GGH: variants seen among roughly 807,000 people sequenced by gnomAD.
The protein encoded by GGH is gamma-glutamyl hydrolase, also known as gamma-Glu-X carboxypeptidase.
In GGH, 18 loss-of-function variants were observed where a neutral mutation model predicts 39.2. The observed-to-expected ratio is 0.46, with a 90% CI of 0.32 to 0.68. The LOEUF (loss-of-function observed/expected upper bound fraction) is 0.68. Ranked by LOEUF, GGH falls within the 30% of genes least tolerant of loss-of-function variation. GGH has a pLI of 0.04. For synonymous variants in GGH, 147 were observed against 138.8 expected (o/e 1.06, Z -0.42); for missense variants, 367 against 384.1 (o/e 0.96, Z 0.37).
At chr8:63,023,844 A>C in intron 7 of GGH, 63 bp downstream of exon 7, 1 of 1,196,754 alleles carries the variant, frequency 8.4e-7, no homozygotes, top group Non-Finnish European at 1.1e-6. Context: ...GATGAGACAT[A>C]TAAAATCAAA....
chr8:63,021,920 T>A (rs1308227405), intron 7 of GGH, among the ~76,000 whole-genome samples: 1 of 152,130 alleles, frequency 6.6e-6, no homozygotes, highest in Non-Finnish European at 1.5e-5. Context: ...GAAATCTGCC[T>A]GCCTTGGTCT....
At chr8:63,025,785 A>T (rs1439918393) in intron 5 of GGH, among the ~76,000 whole-genome samples, 1 of 152,170 alleles carries the variant, frequency 6.6e-6, no homozygotes, top group Non-Finnish European at 1.5e-5. Context: ...CCTAAGCGTT[A>T]TTAGACCTTT....
At chr8:63,021,769 GTTCA>G (rs1464090621) in intron 7 of GGH, among the ~76,000 whole-genome samples, 2 of 146,286 alleles carry the variant, frequency 1.4e-5, no homozygotes. Context: ...CGCCCACTAG[GTTCA>G]AGCAATTCTC....
At chr8:63,026,962 G>C in intron 4 of GGH, 1 of 534,772 alleles carries the variant, frequency 1.9e-6, no homozygotes, top group Non-Finnish European at 3.3e-6. Context: ...CAAGAGAGGG[G>C]CAGTCAGCAG....
Position 63,017,568 on chromosome 8 carries a change from T to A in GGH, c.760A>T (p.Asn254Tyr), listed in dbSNP as rs1804508455. 1.9e-6 allele frequency: 3 copies of A among 1,607,814 alleles called. No homozygotes were observed. In the African/African-American group the frequency reaches 4.0e-5, roughly 21 times the overall value. ...GGTGCATGGGAAATGCCATCCAAAT[T>A]CTTCCACTCATAAGGTGCTTTCTCT... ...HPEKAPYEWK[N>Y]LDGISHAPNA... Residue 254 changes from asparagine to tyrosine, a missense_variant, in exon 8 of 9, where the codon AAT becomes TAT. Asn to Tyr is a moderately radical substitution (Grantham distance 143). Transcript: ENST00000260118.
chr8:63,036,066 T>C (rs994870980), intron 1 of GGH, among the ~76,000 whole-genome samples: 5 of 152,104 alleles, frequency 3.3e-5, no homozygotes, highest in African/African-American at 9.7e-5. Context: ...CTAAAGAATA[T>C]AGATCCTTAA....
intron 1 of GGH, 52 bp downstream of exon 1, chr8:63,038,608 C>A (rs1041740983): frequency 2.0e-6 from 2 of 985,312 alleles, no homozygotes; most frequent in Admixed American, 3.4e-5. Flanking sequence ...AGGCGCCCAG[C>A]GCCAACACCC....
At chr8:63,038,124 G>T (rs1357470331) in intron 1 of GGH, among the ~76,000 whole-genome samples, 1 of 152,132 alleles carries the variant, frequency 6.6e-6, no homozygotes, top group Non-Finnish European at 1.5e-5. Context: ...GAAAAATTGT[G>T]GGCTGCATTT....
At chr8:63,026,742 G>T (rs1019278062) in intron 4 of GGH, among the ~76,000 whole-genome samples, 7 of 152,150 alleles carry the variant, frequency 4.6e-5, no homozygotes. Context: ...CAAAGGAGAA[G>T]TCAGAGGCTC....
chr8:63,026,265 C>A lies in GGH; in HGVS notation c.392G>T (p.Trp131Leu). 1 of 1,608,374 alleles carries A rather than the reference C, an allele frequency of 6.2e-7. No homozygotes were observed. Among genetic ancestry groups the A allele is most frequent in the East Asian group, 2.2e-5 (1 of 44,726 alleles). Residue 131 changes from tryptophan (W) to leucine (L), a missense_variant, in exon 5 of 9, where the codon TGG (tryptophan) becomes TTG (leucine). By Grantham distance (61) the Trp-to-Leu change is moderately conservative. Transcript: ENST00000260118. Reference protein sequence around the residue: ...SFDDGDYFPVWGTCLGFEELS... With the variant: ...SFDDGDYFPVLGTCLGFEELS... The stretch of plus-strand genomic sequence containing the variant: ...CTCTTCAAATCCAAGGCATGTGCCC[C>A]ACACAGGAAAATAGTCTCCATCATC...
intron 8 of GGH, 146 bp from the exon 9 acceptor site, chr8:63,015,599 G>A (rs999397249): frequency 1.4e-4 from 57 of 401,562 alleles, no homozygotes; most frequent in Non-Finnish European, 2.1e-4. Context: ...CTATAGAACA[G>A]CCATCTTTTT....
In GGH at chr8:63,038,790, C is replaced by A; in HGVS notation, c.-22G>T. ...CCATGGCGCTCGCCGCCTCCCGCCG[C>A]CTTTCAAAAGCTCTGCGGGCGGGCG... On this transcript the variant is annotated 5_prime_UTR_variant, in exon 1 of 9. Transcript: ENST00000260118. 1 of 1,446,238 alleles carries A rather than the reference C, an allele frequency of 6.9e-7. No individual in the cohort carries two copies. The highest frequency in any genetic ancestry group is 9.3e-7 in the Non-Finnish European group (1 of 1,078,962). 89.6% of individuals were successfully genotyped at this position (1,446,238 alleles called of 1,614,324 possible).
intron 8 of GGH, among the ~76,000 whole-genome samples, chr8:63,016,816 TGTGTTTTCATCAC>T: frequency 6.6e-6 from 1 of 152,316 alleles, no homozygotes; most frequent in African/African-American, 2.4e-5. Flanking sequence ...TGAATATGTC[TGTGTTTTCATCAC>T]CAAACAGCAG....
At chr8:63,029,840 T>TA (rs1804769481) in intron 3 of GGH, 1 of 184,582 alleles carries the variant, frequency 5.4e-6, no homozygotes, top group South Asian at 1.9e-4. Flanking sequence ...ATAAACCCCA[T>TA]ATGCAAGCAG....
chr8:63,028,348 G>T (rs1804735302), intron 3 of GGH: 1 of 151,788 alleles, frequency 6.6e-6, no homozygotes. Context: ...TGCATCCCAG[G>T]TCTCCAGCTT....
chr8:63,033,751 T>C (rs998921541), intron 2 of GGH, among the ~76,000 whole-genome samples: 1 of 151,970 alleles, frequency 6.6e-6, no homozygotes, highest in Admixed American at 6.6e-5. Flanking sequence ...CAGTATCCAA[T>C]AGGTAGTTTT....
chr8:63,017,440 C>A (rs1055564084), intron 8 of GGH, 53 bp downstream of exon 8: 1 of 1,280,774 alleles, frequency 7.8e-7, no homozygotes. Context: ...CAGATAAGGG[C>A]AATTTTCTTC....
At chr8:63,033,932 A>C (rs556843363) in intron 2 of GGH, among the ~76,000 whole-genome samples, 26 of 150,408 alleles carry the variant, frequency 1.7e-4, no homozygotes, top group Admixed American at 1.2e-3. Flanking sequence ...ACATTGCAGC[A>C]AAGGATATGA....
chr8:63,027,999 CA>C (rs770626057), intron 3 of GGH: 1 of 151,684 alleles, frequency 6.6e-6, no homozygotes, highest in African/African-American at 2.4e-5. Context: ...CAAGGATATT[CA>C]AAAGAGGTAA....
Sources: gnomAD v4.1 joint callset for allele counts (sites outside exome capture counted in the v4.1 genomes callset) on GRCh38, gnomAD v4.1.1 for gene constraint, MANE v1.5 for transcripts, NCBI Gene and HGNC (gene_info 2026-07-23, HGNC 2026-07-21) for gene names.